The following EPYC variants were observed in gnomAD, a reference collection of about 807,000 sequenced individuals.
EPYC encodes the protein dermatan sulfate proteoglycan 3.
A neutral mutation model predicts 30.1 loss-of-function variants in EPYC; 28 were observed. The ratio of observed to expected loss-of-function variants is 0.93; its 90% CI spans 0.69 to 1.28. EPYC has a LOEUF of 1.28. Among genes scored for constraint, EPYC ranks in the 50% most tolerant of loss-of-function variants. The pLI, the probability that EPYC is intolerant of heterozygous loss-of-function variation, is 0.00. For synonymous variants in EPYC, 144 were observed against 141.4 expected, an observed-to-expected ratio of 1.02 and a Z score of -0.13; for missense variants, 382 against 383.5, an observed-to-expected ratio of 1.00 and a Z score of 0.03.
intron 2 of EPYC, among the ~76,000 whole-genome samples, chr12:90,979,075 A>C (rs1202162737): frequency 6.6e-6 from 1 of 152,158 alleles, no homozygotes; most frequent in African/African-American, 2.4e-5. Context: ...CATTTTAAGT[A>C]ATAGAATCAT....
At chr12:90,987,292 C>T (rs1877474903) in intron 2 of EPYC, among the ~76,000 whole-genome samples, 1 of 152,070 alleles carries the variant, frequency 6.6e-6, no homozygotes, top group African/African-American at 2.4e-5. Context: ...CTCCCCTCCG[C>T]CCAGAGACAT....
At chr12:90,999,189 C>G (rs1877765220) in intron 2 of EPYC, among the ~76,000 whole-genome samples, 1 of 151,836 alleles carries the variant, frequency 6.6e-6, no homozygotes, top group Admixed American at 6.6e-5. Context: ...CCCCAAATAC[C>G]CATGATATTA....
intron 3 of EPYC, among the ~76,000 whole-genome samples, chr12:90,976,304 A>C (rs938919126): frequency 6.6e-6 from 1 of 152,070 alleles, no homozygotes; most frequent in Non-Finnish European, 1.5e-5. Context: ...ATTTTGAGAG[A>C]AAAAAATGCA....
chr12:90,989,251 A>T (rs1010415881), intron 2 of EPYC, among the ~76,000 whole-genome samples: 4 of 152,078 alleles, frequency 2.6e-5, no homozygotes, highest in African/African-American at 9.6e-5. Context: ...TCTTTTTTAT[A>T]AACAACTGTT....
intron 2 of EPYC, among the ~76,000 whole-genome samples, chr12:90,991,047 T>C (rs774686583): frequency 2.0e-5 from 3 of 152,176 alleles, no homozygotes; most frequent in Non-Finnish European, 4.4e-5. Flanking sequence ...ATTATAACTC[T>C]AGAGAGAACA....
At chr12:90,968,183 T>C (rs1876948796) in intron 6 of EPYC, among the ~76,000 whole-genome samples, 1 of 152,166 alleles carries the variant, frequency 6.6e-6, no homozygotes, top group Non-Finnish European at 1.5e-5. Context: ...ATAATACATG[T>C]TTTGTGCCTA....
Position 90,972,820 on chromosome 12 carries a change from A to C in EPYC, c.499+2T>G. The C allele has an allele frequency of 6.2e-7, 1 of 1,613,100 alleles. No individual in the cohort carries two copies. The highest frequency in any genetic ancestry group is 1.3e-5 in the African/African-American group (1 of 75,008). ...GAAGGCCGTTAATGCTGTCATCCAT[A>C]CTTAGGCTTGCAAAGTCATTTTTGT... On this transcript the variant is annotated splice_donor_variant, in intron 4 of 6. Coordinates refer to ENST00000261172, the MANE Select transcript of EPYC (RefSeq NM_004950.5). LOFTEE classifies it high-confidence loss of function.
At chr12:90,976,902 T>C (rs539926116) in intron 3 of EPYC, among the ~76,000 whole-genome samples, 1 of 152,266 alleles carries the variant, frequency 6.6e-6, no homozygotes, top group South Asian at 2.1e-4. Flanking sequence ...CCTGCTGCCA[T>C]GTAAGATACG....
At chr12:90,978,323 A>G (rs974815004) in intron 2 of EPYC, 61 bp from the exon 3 acceptor site, 1 of 1,503,106 alleles carries the variant, frequency 6.7e-7, no homozygotes, top group Non-Finnish European at 8.9e-7. Context: ...TCTGTGTGGC[A>G]GTGACACAAA....
At chr12:90,994,021 T>C (rs193182127) in intron 2 of EPYC, among the ~76,000 whole-genome samples, 30 of 152,228 alleles carry the variant, frequency 2.0e-4, no homozygotes, top group African/African-American at 7.2e-4. Flanking sequence ...TAGCTACAGA[T>C]CTCGTATACA....
intron 2 of EPYC, among the ~76,000 whole-genome samples, chr12:90,997,659 T>C (rs1413233797): frequency 6.6e-6 from 1 of 152,082 alleles, no homozygotes; most frequent in Non-Finnish European, 1.5e-5. Flanking sequence ...TGGAAAAATG[T>C]TTTCCTAGAC....
At chr12:90,993,965 A>G (rs1202761558) in intron 2 of EPYC, among the ~76,000 whole-genome samples, 2 of 152,158 alleles carry the variant, frequency 1.3e-5, no homozygotes, top group Non-Finnish European at 2.9e-5. Flanking sequence ...ATTTCTCAGC[A>G]TATGTATTTT....
Position 90,970,131 on chromosome 12 carries a change from A to G in EPYC, c.711T>C (p.Tyr237=). 1 of 1,611,556 alleles carries G rather than the reference A, an allele frequency of 6.2e-7. No individual in the cohort carries two copies. Among genetic ancestry groups the G allele is most frequent in the African/African-American group, 1.3e-5 (1 of 75,008 alleles). Residue 237 remains tyrosine (Y), a synonymous_variant, in exon 6 of 7, where the codon TAT becomes TAC. Coordinates refer to ENST00000261172, the MANE Select transcript of EPYC (RefSeq NM_004950.5). ...CAGTGAGGTACAGATGATGGAGATC[A>G]TACATGTCCTGTAAACATTCCAAAT... ...GIKQEAFKDM[Y]DLHHLYLTDN...
chr12:90,994,491 A>C (rs1439249321), intron 2 of EPYC, among the ~76,000 whole-genome samples: 1 of 152,148 alleles, frequency 6.6e-6, no homozygotes, highest in East Asian at 1.9e-4. Flanking sequence ...TTACATCTAG[A>C]AGTCTGACTT....
At chr12:91,002,291 T>C in intron 2 of EPYC, 110 bp downstream of exon 2, 1 of 823,808 alleles carries the variant, frequency 1.2e-6, no homozygotes. Flanking sequence ...ATTATTAACA[T>C]AAAATCTTTC....
At chr12:90,970,689 G>A (rs1877018621) in intron 5 of EPYC, among the ~76,000 whole-genome samples, 1 of 152,134 alleles carries the variant, frequency 6.6e-6, no homozygotes, top group Admixed American at 6.5e-5. Flanking sequence ...AGGCAGAGTG[G>A]GCAGACTAGA....
chr12:90,999,849 T>C (rs541578508), intron 2 of EPYC, among the ~76,000 whole-genome samples: 1 of 152,248 alleles, frequency 6.6e-6, no homozygotes, highest in East Asian at 1.9e-4. Context: ...TTTGTTAATA[T>C]CTGAGCTAAA....
chr12:90,994,558 G>C (rs10082773), intron 2 of EPYC, among the ~76,000 whole-genome samples: 2,973 of 152,056 alleles, frequency 0.02, 94 homozygotes, highest in African/African-American at 0.067. Flanking sequence ...GGAGGAAATG[G>C]GTGTAGAAAT....
rs17784152 is a variant in EPYC, at chr12:90,972,872, G to C, written c.449C>G (p.Ser150Cys). Reference protein sequence around the residue: ...PLPKNTAYFYSRFNRIKKINK... With the variant: ...PLPKNTAYFYCRFNRIKKINK... Reference sequence around the variant, plus strand: ...GATCTTTTTAATTCTGTTAAAGCGGGAATAGAAATAAGCGGTGTTCTTTGG... The same window carrying C: ...GATCTTTTTAATTCTGTTAAAGCGGCAATAGAAATAAGCGGTGTTCTTTGG... Residue 150 changes from serine to cysteine, a missense_variant, in exon 4 of 7, where the codon TCC (serine) becomes TGC (cysteine). Ser to Cys is a moderately radical substitution (Grantham distance 112, BLOSUM62 -1). Transcript: ENST00000261172. The C allele has an allele frequency of 0.026, 41,406 of 1,613,422 alleles. 917 individuals carry two copies. Among genetic ancestry groups the C allele is most frequent in the Admixed American group, 0.11 (6,394 of 59,950 alleles).
Sources: gnomAD v4.1 joint callset for allele counts (sites outside exome capture counted in the v4.1 genomes callset) on GRCh38, gnomAD v4.1.1 for gene constraint, MANE v1.5 for transcripts, NCBI Gene and HGNC (gene_info 2026-07-23, HGNC 2026-07-21) for gene names.